The following RBMXL1 variants were observed in gnomAD, a reference collection of about 807,000 sequenced individuals.
RBMXL1 encodes RNA binding motif protein, X-linked-like-1.
In RBMXL1, 18 loss-of-function variants were observed where a neutral mutation model predicts 29.0. The observed-to-expected ratio is 0.62, with a 90% confidence interval of 0.43 to 0.92. The LOEUF (loss-of-function observed/expected upper bound fraction) is 0.92. Among genes scored for constraint, RBMXL1 ranks in the 40% least tolerant of loss-of-function variants. The pLI is 0.00. For missense variants in RBMXL1, 403 were observed against 495.8 expected, an observed-to-expected ratio of 0.81 and a Z score of 1.78; for synonymous variants, 141 against 170.4, an observed-to-expected ratio of 0.83 and a Z score of 1.34.
In RBMXL1 at chr1:88,983,566, T is replaced by C. The variant is rs1295506433; in HGVS notation, c.261A>G (p.Pro87=). The C allele has an allele frequency of 6.2e-7, 1 of 1,614,218 alleles. No homozygotes were observed. ...GTCCATGTCTACCTCTTTCAAATGATGGTTTGGTGGCTTGTTCCACCTTGA... is the reference window on the plus strand; with the variant it reads ...GTCCATGTCTACCTCTTTCAAATGACGGTTTGGTGGCTTGTTCCACCTTGA... The part of the protein sequence containing the change: ...KAIKVEQATK[P]SFERGRHGPP... The change falls in exon 3 of 3, where the codon CCA becomes CCG. Residue 87 remains proline (P), a synonymous_variant. Transcript: ENST00000652648.
At chr1:88,991,566 G>A (rs1323318690) in intron 1 of RBMXL1, among the ~76,000 whole-genome samples, 1 of 152,236 alleles carries the variant, frequency 6.6e-6, no homozygotes, top group African/African-American at 2.4e-5. Flanking sequence ...TCCTGGACGG[G>A]GGAGTACAGT....
At chr1:88,988,899 A>C (rs1677626822) in intron 1 of RBMXL1, among the ~76,000 whole-genome samples, 2 of 152,204 alleles carry the variant, frequency 1.3e-5, no homozygotes, top group Non-Finnish European at 2.9e-5. Context: ...TCCTCCAACA[A>C]TTCCCACAAG....
At chr1:88,984,252 T>C (rs962968561) in intron 2 of RBMXL1, among the ~76,000 whole-genome samples, 186 bp from the exon 3 acceptor site, 1 of 137,428 alleles carries the variant, frequency 7.3e-6, no homozygotes, top group Admixed American at 7.8e-5. Context: ...TCTCACAGTG[T>C]TGCCCAGGCT....
In RBMXL1 at chr1:88,983,327, G is replaced by A; in HGVS notation, c.500C>T (p.Pro167Leu). The change falls in exon 3 of 3, where the codon CCT (proline) becomes CTT (leucine). Residue 167 changes from proline (P) to leucine (L), a missense_variant. By Grantham distance (98) the Pro-to-Leu change is moderately conservative. Coordinates refer to ENST00000652648, the MANE Select transcript of RBMXL1 (RefSeq NM_001162536.3). The part of the protein sequence containing the change: ...SGGPSPKRSA[P>L]SGLVRSSSGM... The stretch of plus-strand genomic sequence containing the variant: ...ACTGCTGCTGCGAACTAGTCCTGAA[G>A]GTGCAGATCTCTTAGGAGAAGGACC... The A allele has an allele frequency of 6.2e-7, 1 of 1,614,090 alleles. No individual in the cohort carries two copies. The highest frequency in any genetic ancestry group is 8.5e-7 in the Non-Finnish European group (1 of 1,180,032).
At chr1:88,988,396 G>A (rs772712155) in intron 1 of RBMXL1, 45 bp from the exon 2 acceptor site, 1 of 1,128,848 alleles carries the variant, frequency 8.9e-7, no homozygotes, top group Non-Finnish European at 1.3e-6. Flanking sequence ...AATATATGAT[G>A]GGTACATCAC....
chr1:88,984,204 CTTTTTTTTTTTTTTTTT>C (rs908183722), intron 2 of RBMXL1, 138 bp from the exon 3 acceptor site: 1 of 81,470 alleles, frequency 1.2e-5, no homozygotes, highest in African/African-American at 4.4e-5. Context: ...TTTTTTGTTG[CTTTTTTTTTTTTTTTTT>C]TTTTTTTTTG....
At chr1:88,984,203 G>GTTTTT (rs1557707537) in intron 2 of RBMXL1, 137 bp from the exon 3 acceptor site, 8 of 98,318 alleles carry the variant, frequency 8.1e-5, no homozygotes, top group Non-Finnish European at 1.5e-4. Context: ...TTTTTTTGTT[G>GTTTTT]CTTTTTTTTT....
intron 2 of RBMXL1, among the ~76,000 whole-genome samples, chr1:88,987,893 C>T (rs183836496): frequency 3.7e-4 from 57 of 152,252 alleles, no homozygotes; most frequent in Middle Eastern, 3.4e-3. Context: ...AGCAGATGTA[C>T]GTATTGTATT....
intron 2 of RBMXL1, among the ~76,000 whole-genome samples, chr1:88,985,054 C>T (rs59925130): frequency 0.052 from 7,883 of 152,270 alleles, 717 homozygotes; most frequent in African/African-American, 0.18. Context: ...ACAATTACTT[C>T]AGAGAAACAA....
chr1:88,983,439 C>T lies in RBMXL1; in HGVS notation c.388G>A (p.Asp130Asn). ...RGPPSRGGHM[D>N]DGGYSMNFNM... Reference sequence around the variant, plus strand: ...AAATTCATGGAATATCCACCATCATCCATGTGTCCTCCTCGTGAAGGAGGT... The same window carrying T: ...AAATTCATGGAATATCCACCATCATTCATGTGTCCTCCTCGTGAAGGAGGT... Residue 130 changes from aspartate to asparagine, a missense_variant, in exon 3 of 3, where the codon GAT (aspartate) becomes AAT (asparagine). Physicochemically the swap from Asp to Asn is conservative, Grantham distance 23. Transcript: ENST00000652648. 3.7e-6 allele frequency: 6 copies of T among 1,614,186 alleles called. No homozygotes were observed. Among genetic ancestry groups the T allele is most frequent in the Non-Finnish European group, 4.2e-6 (5 of 1,180,042 alleles).
rs181111483 is a variant in RBMXL1, at chr1:88,980,063, A to C, written c.*2591T>G. The C allele has an allele frequency of 3.3e-5, 5 of 152,340 alleles. No individual in the cohort carries two copies. The highest frequency in any genetic ancestry group is 3.3e-4 in the Admixed American group (5 of 15,300). The allele number at this position is 152,340 out of a possible 1,614,324, so 9.4% of individuals were successfully genotyped here. ...TGTGTGTGAAAGAAACCATAAACAA[A>C]AAAGTACATGCTACACAATCCCATT... On this transcript the variant is annotated 3_prime_UTR_variant, in exon 3 of 3. Coordinates refer to ENST00000652648, the MANE Select transcript of RBMXL1 (RefSeq NM_001162536.3).
At position 88,983,351 on chromosome 1, in the gene RBMXL1, C is replaced by T; in HGVS notation, c.476G>A (p.Gly159Asp). The T allele has an allele frequency of 2.5e-6, 4 of 1,614,116 alleles. No homozygotes were observed. Among genetic ancestry groups the T allele is most frequent in the African/African-American group, 1.3e-5 (1 of 75,018 alleles). The change falls in exon 3 of 3, where the codon GGT (glycine) becomes GAT (aspartate). Residue 159 changes from glycine to aspartate, a missense_variant. Coordinates refer to ENST00000652648, the MANE Select transcript of RBMXL1 (RefSeq NM_001162536.3). ...AGGTGCAGATCTCTTAGGAGAAGGA[C>T]CCCCACTTCTTGGTGGTGGTCCTCT... The part of the protein sequence containing the change: ...VKRGPPPRSG[G>D]PSPKRSAPSG...
In RBMXL1 at chr1:88,983,895, C is replaced by A; in HGVS notation, c.-69G>T. On this transcript the variant is annotated 5_prime_UTR_variant, in exon 3 of 3. Transcript: ENST00000652648. The stretch of plus-strand genomic sequence containing the variant: ...GCTCCAACAAGCTCGCCGACAGGGG[C>A]TTCCTAGCAGCTCAGCACCAGTGGC... The A allele has an allele frequency of 6.3e-7, 1 of 1,592,188 alleles. No homozygotes were observed.
intron 2 of RBMXL1, among the ~76,000 whole-genome samples, chr1:88,986,634 G>GCCT (rs1677474670): frequency 6.6e-6 from 1 of 152,012 alleles, no homozygotes; most frequent in African/African-American, 2.4e-5. Context: ...TAAAATTAGA[G>GCCT]AATATGTAAA....
Position 88,983,943 on chromosome 1 carries a change from A to T in RBMXL1, c.-117T>A. 8.9e-7 allele frequency: 1 copy of T among 1,124,960 alleles called. No individual in the cohort carries two copies. The allele number at this position is 1,124,960 out of a possible 1,614,324, so 69.7% of individuals were successfully genotyped here. Reference sequence around the variant, plus strand: ...GGCGGCTGTCAGTTAGGAGGACTGAACCGCGAAGCCGCTAGCACTACTGCG... The same window carrying T: ...GGCGGCTGTCAGTTAGGAGGACTGATCCGCGAAGCCGCTAGCACTACTGCG... On this transcript the variant is annotated 5_prime_UTR_variant, in exon 3 of 3. Coordinates refer to ENST00000652648, the MANE Select transcript of RBMXL1 (RefSeq NM_001162536.3).
chr1:88,983,527 T>C lies in RBMXL1; in HGVS notation c.300A>G (p.Pro100=). The C allele has an allele frequency of 6.2e-7, 1 of 1,614,200 alleles. No individual in the cohort carries two copies. The highest frequency in any genetic ancestry group is 8.5e-7 in the Non-Finnish European group (1 of 1,180,032). ...AACCTCTTGGAGGACCTCTACTTCT[T>C]GGAGGTGGGGGCGGTCCATGTCTAC... ...ERGRHGPPPP[P]RSRGPPRGFG... The change falls in exon 3 of 3, where the codon CCA becomes CCG. Residue 100 remains proline, a synonymous_variant. Coordinates refer to ENST00000652648, the MANE Select transcript of RBMXL1 (RefSeq NM_001162536.3).
chr1:88,990,291 A>ACAAACATAAAAAACAAACAAC (rs71292903), intron 1 of RBMXL1, among the ~76,000 whole-genome samples: 1 of 122,518 alleles, frequency 8.2e-6, no homozygotes, highest in East Asian at 2.4e-4. Flanking sequence ...AAACAAACAA[A>ACAAACATAAAAAACAAACAAC]AAACACAAAA....
chr1:88,988,058 G>A (rs1377906412), intron 2 of RBMXL1, among the ~76,000 whole-genome samples, 194 bp downstream of exon 2: 2 of 152,098 alleles, frequency 1.3e-5, no homozygotes, highest in African/African-American at 4.8e-5. Context: ...ACCAGCACAT[G>A]GCCTGATCCA....
In RBMXL1 at chr1:88,990,081, GCTCT is replaced by G. The variant is rs571605566; in HGVS notation, c.-340-1734_-340-1731del. ...TTCTTCCTCAGTCCAAGCAGATTGCGCTCTCTACTTTCCCAAATCTAAAAAATCC... is the reference window on the plus strand; with the variant it reads ...TTCTTCCTCAGTCCAAGCAGATTGCGCTACTTTCCCAAATCTAAAAAATCC... On this transcript the variant is annotated intron_variant, in intron 1 of 2. Coordinates refer to ENST00000652648, the MANE Select transcript of RBMXL1 (RefSeq NM_001162536.3). Among the ~76,000 whole-genome samples, 119 of 152,068 alleles carry G rather than the reference GCTCT, an allele frequency of 7.8e-4. 1 individual carries two copies. The East Asian group carries it at 0.015, about 19-fold the overall frequency.
Sources: gnomAD v4.1 joint callset for allele counts (sites outside exome capture counted in the v4.1 genomes callset) on GRCh38, gnomAD v4.1.1 for gene constraint, MANE v1.5 for transcripts, NCBI Gene and HGNC (gene_info 2026-07-23, HGNC 2026-07-21) for gene names.